The following ADGRL3 variants were observed in gnomAD, a reference collection of about 807,000 sequenced individuals.
ADGRL3 encodes calcium-independent alpha-latrotoxin receptor 3.
Under a neutral mutation model 153.5 loss-of-function variants are expected in ADGRL3, and 62 were observed. The observed-to-expected ratio is 0.40, with a 90% CI of 0.33 to 0.50. The LOEUF is 0.50. ADGRL3 is among the 20% of genes least tolerant of loss of function. The probability of loss-of-function intolerance (pLI) is 0.47; values close to 1 mark genes in which losing one functional copy is unlikely to be tolerated. For missense variants in ADGRL3, 1,641 were observed against 1,859.4 expected (o/e 0.88, Z 2.16); for synonymous variants, 710 against 672.5 (o/e 1.06, Z -0.86).
At position 61,865,114 on chromosome 4, in the gene ADGRL3, A is replaced by G. The variant is rs151147641; in HGVS notation, c.1481-27542A>G. Reference sequence around the variant, plus strand: ...TGAGATTGGTTTACACTAAGCATAAACTACGAAATAAAATTTTGGTCTTAA... The same window carrying G: ...TGAGATTGGTTTACACTAAGCATAAGCTACGAAATAAAATTTTGGTCTTAA... On this transcript the variant is annotated intron_variant, in intron 9 of 26. Transcript: ENST00000683033. 5.8e-4 allele frequency among the ~76,000 whole-genome samples: 89 copies of G among 152,290 alleles called. 3 individuals carry two copies. In the East Asian group the frequency reaches 0.016, roughly 27 times the overall value.
chr4:61,938,603 A>G (rs2098849915), intron 15 of ADGRL3, among the ~76,000 whole-genome samples: 1 of 152,236 alleles, frequency 6.6e-6, no homozygotes, highest in Non-Finnish European at 1.5e-5. Flanking sequence ...TGCTGCCGCA[A>G]GTGAACTCTG....
At chr4:61,998,292 A>G (rs2099128709) in intron 21 of ADGRL3, 27 bp downstream of exon 21, 3 of 1,267,542 alleles carry the variant, frequency 2.4e-6, no homozygotes, top group East Asian at 2.4e-5. Context: ...TTTGTTTTCT[A>G]TAGGTTGTGT....
intron 25 of ADGRL3, among the ~76,000 whole-genome samples, chr4:62,055,926 A>G (rs1369803883): frequency 6.6e-6 from 1 of 151,566 alleles, no homozygotes; most frequent in African/African-American, 2.4e-5. Flanking sequence ...CATTTATTTT[A>G]TATAATTTAA....
At chr4:61,719,688 G>C (rs1044432658) in intron 6 of ADGRL3, among the ~76,000 whole-genome samples, 1 of 144,998 alleles carries the variant, frequency 6.9e-6, no homozygotes, top group African/African-American at 2.6e-5. Flanking sequence ...TGCAACCTCC[G>C]CCTCCCAGAT....
chr4:61,740,142 C>T (rs1305981487), intron 8 of ADGRL3, among the ~76,000 whole-genome samples: 3 of 152,144 alleles, frequency 2.0e-5, no homozygotes, highest in Non-Finnish European at 2.9e-5. Context: ...GGCAGAGCAC[C>T]AGATACAGAA....
intron 5 of ADGRL3, among the ~76,000 whole-genome samples, chr4:61,667,992 A>G (rs2094859401): frequency 6.6e-6 from 1 of 152,162 alleles, no homozygotes; most frequent in Non-Finnish European, 1.5e-5. Flanking sequence ...TAGGATGAAT[A>G]ATGACCCCCA....
intron 4 of ADGRL3, among the ~76,000 whole-genome samples, chr4:61,555,897 G>A (rs1279174758): frequency 6.6e-6 from 1 of 152,154 alleles, no homozygotes; most frequent in Non-Finnish European, 1.5e-5. Context: ...ACAACCAGAG[G>A]TCACTCTTGT....
At chr4:61,734,058 ATTAAC>A (rs1292326399) in intron 8 of ADGRL3, among the ~76,000 whole-genome samples, 1 of 152,188 alleles carries the variant, frequency 6.6e-6, no homozygotes, top group African/African-American at 2.4e-5. Context: ...TCTGTTCTGA[ATTAAC>A]TTAATTTGTA....
In ADGRL3 at chr4:62,070,884, G is replaced by A. The variant is rs771284076; in HGVS notation, c.4608G>A (p.Pro1536=). ...GTPPEGSSKG[P]AHLVTSL is the part of the protein sequence containing the mutation. ...CTCCCGAGGGAAGTTCAAAAGGACC[G>A]GCTCATTTGGTCACTAGTCTATAGA... is the stretch of plus-strand genomic sequence containing the variant. The change falls in exon 27 of 27, where the codon CCG becomes CCA. Residue 1536 remains proline (P), a synonymous_variant. Coordinates refer to ENST00000683033, the MANE Select transcript of ADGRL3 (RefSeq NM_001387552.1). 4.3e-5 allele frequency: 67 copies of A among 1,550,146 alleles called. 1 individual carries two copies. Among genetic ancestry groups the A allele is most frequent in the South Asian group, 1.8e-4 (15 of 83,890 alleles).
At chr4:61,244,795 A>T (rs62312900) in intron 1 of ADGRL3, among the ~76,000 whole-genome samples, 10,060 of 152,014 alleles carry the variant, frequency 0.066, 479 homozygotes, top group Non-Finnish European at 0.097. Flanking sequence ...TTTTCACCTA[A>T]ATATTTGCAC....
At chr4:61,762,141 T>A (rs1008133668) in intron 8 of ADGRL3, among the ~76,000 whole-genome samples, 1 of 152,162 alleles carries the variant, frequency 6.6e-6, no homozygotes, top group African/African-American at 2.4e-5. Flanking sequence ...TGGTTAAAGA[T>A]CTGATAGGAG....
At chr4:61,947,777 C>T (rs2098931553) in intron 16 of ADGRL3, among the ~76,000 whole-genome samples, 1 of 152,114 alleles carries the variant, frequency 6.6e-6, no homozygotes, top group South Asian at 2.1e-4. Flanking sequence ...ATCATCCTTT[C>T]AGATGTTGGT....
At position 61,402,463 on chromosome 4, in the gene ADGRL3, T is replaced by C. The variant is rs112283946; in HGVS notation, c.-174+19274T>C. Among the ~76,000 whole-genome samples the C allele has an allele frequency of 1.8e-3, 274 of 152,202 alleles. 2 individuals are homozygous for C. The highest frequency in any genetic ancestry group is 6.4e-3 in the African/African-American group (265 of 41,552). Reference sequence around the variant, plus strand: ...AGCACTGTTTTAACACATACGAATTTTATTCAAGTTGAGAGCTAGATGAAG... The same window carrying C: ...AGCACTGTTTTAACACATACGAATTCTATTCAAGTTGAGAGCTAGATGAAG... On this transcript the variant is annotated intron_variant, in intron 2 of 26. Coordinates refer to ENST00000683033, the MANE Select transcript of ADGRL3 (RefSeq NM_001387552.1).
At chr4:61,799,505 G>T (rs2097462294) in intron 8 of ADGRL3, among the ~76,000 whole-genome samples, 1 of 151,878 alleles carries the variant, frequency 6.6e-6, no homozygotes, top group Non-Finnish European at 1.5e-5. Context: ...CACATACTCA[G>T]GCCATGGCCA....
chr4:61,428,831 TTATCTATCTATC>T lies in ADGRL3; in HGVS notation c.-174+45674_-174+45685del, dbSNP rs4038727. On this transcript the variant is annotated intron_variant, in intron 2 of 26. Coordinates refer to ENST00000683033, the MANE Select transcript of ADGRL3 (RefSeq NM_001387552.1). ...CATGTTCTGGATATCTAGCTATCAT[TTATCTATCTATC>T]TATCTATCTATCTATCTATCTATCT... 6.6e-3 allele frequency among the ~76,000 whole-genome samples: 887 copies of T among 135,304 alleles called. 8 individuals carry two copies. Among genetic ancestry groups the T allele is most frequent in the African/African-American group, 0.023 (831 of 35,848 alleles). The allele number at this position is 135,304 out of a possible 152,430, so 88.8% of individuals were successfully genotyped here. A position where few individuals can be genotyped will look rare whatever the true frequency, so the allele number is the denominator to read the frequency against.
chr4:62,016,900 T>G (rs1460662335), intron 21 of ADGRL3, among the ~76,000 whole-genome samples: 5 of 152,106 alleles, frequency 3.3e-5, no homozygotes, highest in Non-Finnish European at 7.4e-5. Flanking sequence ...TAATGTCCAT[T>G]CATTCTTTGC....
At chr4:61,432,654 C>CTTTCT (rs1170143799) in intron 2 of ADGRL3, among the ~76,000 whole-genome samples, 7 of 19,708 alleles carry the variant, frequency 3.6e-4, no homozygotes, top group Admixed American at 1.7e-3. Context: ...TTCTTTCTTT[C>CTTTCT]TTTTTTTTTT....
At position 62,019,284 on chromosome 4, in the gene ADGRL3, A is replaced by T. The variant is rs2099227085; in HGVS notation, c.3396-9571A>T. The stretch of plus-strand genomic sequence containing the variant: ...TATTTGCTAAGTGTTGTGGGGCTTG[A>T]GGCTTTCTTAGAGAGAGCAGCAAAT... On this transcript the variant is annotated intron_variant, in intron 21 of 26. Transcript: ENST00000683033. Among the ~76,000 whole-genome samples, 4 of 152,190 alleles carry T rather than the reference A, an allele frequency of 2.6e-5. No homozygotes were observed. In the South Asian group the frequency reaches 8.3e-4, roughly 32 times the overall value.
At chr4:61,278,406 T>C (rs2093580030) in intron 1 of ADGRL3, among the ~76,000 whole-genome samples, 2 of 152,230 alleles carry the variant, frequency 1.3e-5, no homozygotes, top group African/African-American at 4.8e-5. Flanking sequence ...AAACGTTTTC[T>C]ATGCTATTTC....
Sources: gnomAD v4.1 joint callset for allele counts (sites outside exome capture counted in the v4.1 genomes callset) on GRCh38, gnomAD v4.1.1 for gene constraint, MANE v1.5 for transcripts, NCBI Gene and HGNC (gene_info 2026-07-23, HGNC 2026-07-21) for gene names.